Variants in R3HDM2 observed in about 807,000 individuals in gnomAD.
The protein encoded by R3HDM2 is R3H domain-containing protein 2.
A neutral mutation model predicts 124.5 loss-of-function variants in R3HDM2; 38 were observed. That is an observed-to-expected ratio of 0.31 (90% CI 0.24 to 0.40). R3HDM2 has a LOEUF of 0.40. R3HDM2 is among the 10% of genes least tolerant of loss of function. The probability of loss-of-function intolerance (pLI) is 1.00; values close to 1 mark genes in which losing one functional copy is unlikely to be tolerated. For synonymous variants in R3HDM2, 391 were observed against 448.0 expected, an observed-to-expected ratio of 0.87 and a Z score of 1.61; for missense variants, 869 against 1,236.9, an observed-to-expected ratio of 0.70 and a Z score of 4.46.
rs2070817774 is a variant in R3HDM2, at chr12:57,427,157, G to A, written c.-106+3563C>T. Among the ~76,000 whole-genome samples the A allele has an allele frequency of 3.3e-5, 5 of 151,852 alleles. 1 individual carries two copies. In the South Asian group the frequency reaches 8.3e-4, roughly 25 times the overall value. ...AATACAAAAATTAGTTGGACGTGGTGGCGCGTGCCTGTAATCCTAGCTACT... is the reference window on the plus strand; with the variant it reads ...AATACAAAAATTAGTTGGACGTGGTAGCGCGTGCCTGTAATCCTAGCTACT... On this transcript the variant is annotated intron_variant, in intron 1 of 23. Transcript: ENST00000402412.
At chr12:57,346,057 G>T (rs561116521) in intron 2 of R3HDM2, among the ~76,000 whole-genome samples, 1 of 152,064 alleles carries the variant, frequency 6.6e-6, no homozygotes, top group South Asian at 2.1e-4. Context: ...CTACTCAGGA[G>T]GCTGAGGCAG....
chr12:57,306,913 G>C (rs1430845855), intron 3 of R3HDM2, among the ~76,000 whole-genome samples: 1 of 152,118 alleles, frequency 6.6e-6, no homozygotes, highest in East Asian at 2.0e-4. Flanking sequence ...TACTTGGGAG[G>C]CTGAGGCAGG....
intron 19 of R3HDM2, 142 bp from the exon 20 acceptor site, chr12:57,259,201 G>A (rs147568216): frequency 3.9e-6 from 3 of 775,586 alleles, no homozygotes; most frequent in African/African-American, 3.6e-5. Context: ...AACCTGAGAT[G>A]GCTGCTGATG....
chr12:57,364,852 C>T (rs2062415220), intron 2 of R3HDM2, among the ~76,000 whole-genome samples: 1 of 150,058 alleles, frequency 6.7e-6, no homozygotes, highest in Non-Finnish European at 1.5e-5. Context: ...ATTTGGGAGG[C>T]TGAGGCAGGA....
At chr12:57,343,482 C>T (rs1038252973) in intron 2 of R3HDM2, among the ~76,000 whole-genome samples, 1 of 151,834 alleles carries the variant, frequency 6.6e-6, no homozygotes, top group Admixed American at 6.6e-5. Flanking sequence ...AGCCACCGAG[C>T]CTAGCCTCGG....
Position 57,295,431 on chromosome 12 carries a change from C to T in R3HDM2, c.778G>A (p.Asp260Asn). ...EFQQRFILKRDDASMDRDDNQ... is the reference protein window; with the variant it reads ...EFQQRFILKRNDASMDRDDNQ... The stretch of plus-strand genomic sequence containing the variant: ...TCATCTCGGTCCATACTGGCATCAT[C>T]TCTCTTGAGAATGAACCTCTGTTGA... The change falls in exon 10 of 24, where the codon GAT (aspartate) becomes AAT (asparagine). Residue 260 changes from aspartate (D) to asparagine (N), a missense_variant. By Grantham distance (23) the Asp-to-Asn change is conservative. Coordinates refer to ENST00000402412, the MANE Select transcript of R3HDM2 (RefSeq NM_001394031.1). The T allele has an allele frequency of 6.4e-7, 1 of 1,551,776 alleles. No individual in the cohort carries two copies. The highest frequency in any genetic ancestry group is 1.7e-4 in the Middle Eastern group (1 of 5,998).
At chr12:57,385,625 A>C (rs2065622623) in intron 2 of R3HDM2, among the ~76,000 whole-genome samples, 1 of 151,346 alleles carries the variant, frequency 6.6e-6, no homozygotes, top group Non-Finnish European at 1.5e-5. Context: ...AGATCACTTG[A>C]TCCTGAGAGG....
At position 57,256,046 on chromosome 12, in the gene R3HDM2, C is replaced by T. The variant is rs1029062607; in HGVS notation, c.2576G>A (p.Arg859Gln). ...AGATTTGAGTGCTTGTCTCTTGCCC[C>T]GGTTTCCATGCTTCAGTCCACTCTG... ...QGQSGLKHGNRGKRQALKSAS... is the reference protein window; with the variant it reads ...QGQSGLKHGNQGKRQALKSAS... The change falls in exon 23 of 24, where the codon CGG (arginine) becomes CAG (glutamine). Residue 859 changes from arginine (R) to glutamine (Q), a missense_variant. Physicochemically the swap from Arg to Gln is conservative, Grantham distance 43. Transcript: ENST00000402412. 7 of 1,614,094 alleles carry T rather than the reference C, an allele frequency of 4.3e-6. No individual in the cohort carries two copies. The highest frequency in any genetic ancestry group is 5.9e-6 in the Non-Finnish European group (7 of 1,180,008).
chr12:57,403,153 C>T (rs553292338), intron 1 of R3HDM2, among the ~76,000 whole-genome samples: 2 of 151,630 alleles, frequency 1.3e-5, no homozygotes, highest in East Asian at 2.0e-4. Context: ...GTTAGGAGTT[C>T]GAGACCAGTC....
chr12:57,354,514 G>A lies in R3HDM2; in HGVS notation c.-36+41235C>T, dbSNP rs368857744. 1.1e-3 allele frequency among the ~76,000 whole-genome samples: 166 copies of A among 151,336 alleles called. 1 individual carries two copies. Among genetic ancestry groups the A allele is most frequent in the African/African-American group, 3.8e-3 (158 of 41,254 alleles). On this transcript the variant is annotated intron_variant, in intron 2 of 23. Coordinates refer to ENST00000402412, the MANE Select transcript of R3HDM2 (RefSeq NM_001394031.1). ...TCACCATGTTGGCCAGGCTGATCTC[G>A]AACTCCTGGCCTCAAGTGATTCGCC...
chr12:57,371,456 ATTC>A (rs1405575919), intron 2 of R3HDM2, among the ~76,000 whole-genome samples: 1 of 152,168 alleles, frequency 6.6e-6, no homozygotes, highest in Non-Finnish European at 1.5e-5. Context: ...AGGTTTTGTC[ATTC>A]TTCTTCCAAG....
chr12:57,304,375 T>C (rs2052062654), intron 3 of R3HDM2: 1 of 391,658 alleles, frequency 2.6e-6, no homozygotes, highest in African/African-American at 2.2e-5. Flanking sequence ...GATGAGGCAC[T>C]TAGGAGTTCT....
At chr12:57,392,878 C>T (rs2066919137) in intron 2 of R3HDM2, among the ~76,000 whole-genome samples, 1 of 149,250 alleles carries the variant, frequency 6.7e-6, no homozygotes, top group African/African-American at 2.5e-5. Context: ...GATTTTGGCT[C>T]ACCGCAAGCT....
intron 1 of R3HDM2, among the ~76,000 whole-genome samples, chr12:57,428,387 T>C (rs1868475230): frequency 1.3e-5 from 2 of 151,852 alleles, no homozygotes; most frequent in African/African-American, 4.8e-5. Flanking sequence ...ATCCCAGCAC[T>C]TTGGGAGGCC....
intron 9 of R3HDM2, 38 bp from the exon 10 acceptor site, chr12:57,295,545 A>G: frequency 1.4e-6 from 2 of 1,457,178 alleles, no homozygotes; most frequent in Non-Finnish European, 9.4e-7. Flanking sequence ...AAAGGAGGAC[A>G]AAGACCGTTT....
Position 57,397,985 on chromosome 12 carries a change from C to G in R3HDM2, c.-105-2167G>C, listed in dbSNP as rs184170958. Among the ~76,000 whole-genome samples the G allele has an allele frequency of 4.3e-3, 658 of 152,170 alleles. 6 individuals are homozygous for G. The highest frequency in any genetic ancestry group is 0.015 in the African/African-American group (631 of 41,540). ...AATCACGAGCTCAGGAGTTCGAGAC[C>G]AGCCTGGCCAACACAGTGAAACCCC... On this transcript the variant is annotated intron_variant, in intron 1 of 23. Coordinates refer to ENST00000402412, the MANE Select transcript of R3HDM2 (RefSeq NM_001394031.1).
At chr12:57,282,484 T>G (rs1284346082) in intron 13 of R3HDM2, among the ~76,000 whole-genome samples, 1 of 152,020 alleles carries the variant, frequency 6.6e-6, no homozygotes, top group Non-Finnish European at 1.5e-5. Context: ...TGTTTTAGAT[T>G]GGCAAACTGG....
chr12:57,373,715 A>G (rs943033104), intron 2 of R3HDM2, among the ~76,000 whole-genome samples: 29 of 152,172 alleles, frequency 1.9e-4, no homozygotes, highest in African/African-American at 5.5e-4. Flanking sequence ...TGGAAGGCTA[A>G]GGCAAAAGAA....
chr12:57,416,875 G>A (rs1333637585), intron 1 of R3HDM2, among the ~76,000 whole-genome samples: 2 of 151,726 alleles, frequency 1.3e-5, no homozygotes, highest in Non-Finnish European at 2.9e-5. Context: ...ACTTTGGGAG[G>A]CCAAGGAGGG....
Sources: gnomAD v4.1 joint callset for allele counts (sites outside exome capture counted in the v4.1 genomes callset) on GRCh38, gnomAD v4.1.1 for gene constraint, MANE v1.5 for transcripts, NCBI Gene and HGNC (gene_info 2026-07-23, HGNC 2026-07-21) for gene names.